Variants in SYN1 observed in about 807,000 individuals in gnomAD.
The protein encoded by SYN1 is synapsin I.
SYN1 carries 8 observed loss-of-function variants against 44.6 expected under a neutral mutation model. That is an observed-to-expected ratio of 0.18 (90% CI 0.11 to 0.32). The LOEUF is 0.32. SYN1 is among the 10% of genes least tolerant of loss of function. SYN1 has a pLI of 1.00. For synonymous variants in SYN1, 275 were observed against 280.1 expected (o/e 0.98, Z 0.18); for missense variants, 451 against 639.4 (o/e 0.71, Z 3.18).
intron 1 of SYN1, among the ~76,000 whole-genome samples, chrX:47,616,775 C>A (rs2057932654): frequency 9.0e-6 from 1 of 111,696 alleles, no homozygotes; most frequent in Admixed American, 9.5e-5. Flanking sequence ...GAGAAAAAGG[C>A]AGCTGGGGAG....
At chrX:47,606,299 T>C (rs770847146) in intron 3 of SYN1, among the ~76,000 whole-genome samples, 1 of 110,609 alleles carries the variant, frequency 9.0e-6, no homozygotes, top group South Asian at 3.7e-4. Flanking sequence ...CTTTTTCTTT[T>C]TTTTTTTTTG....
chrX:47,590,612 C>T (rs140814412), intron 5 of SYN1, among the ~76,000 whole-genome samples: 60 of 111,641 alleles, frequency 5.4e-4, no homozygotes, highest in Non-Finnish European at 1.0e-3. Context: ...TAGAAGTCTG[C>T]ACTCTGCGAG....
At chrX:47,588,148 A>C (rs2057833900) in intron 5 of SYN1, among the ~76,000 whole-genome samples, 1 of 112,039 alleles carries the variant, frequency 8.9e-6, no homozygotes, top group Non-Finnish European at 1.9e-5. Context: ...GGGAATGCGC[A>C]TGCAGCAACA....
At position 47,575,255 on chromosome X, in the gene SYN1, G is replaced by C. The variant is rs1179968265; in HGVS notation, c.1178C>G (p.Pro393Arg). ...TTCATCCTGGTGGTCACCAATGAGC[G>C]GCATGGAGGAACCCACCACCTGGGG... ...HIIEVVGSSM[P>R]LIGDHQDEDK... Residue 393 changes from proline (P) to arginine (R), a missense_variant, in exon 10 of 13, where the codon CCG becomes CGG. Physicochemically the swap from Pro to Arg is moderately radical, Grantham distance 103. Around this residue, in one of 3 missense-constraint regions of SYN1, gnomAD observed 315 missense variants for 451.4 expected, o/e 0.70. Transcript: ENST00000295987. 8.3e-7 allele frequency: 1 copy of C among 1,210,319 alleles called. No individual in the cohort carries two copies. The highest frequency in any genetic ancestry group is 3.0e-5 in the East Asian group (1 of 33,796).
chrX:47,576,911 CTA>C (rs760402157), intron 6 of SYN1, among the ~76,000 whole-genome samples: 1 of 111,735 alleles, frequency 8.9e-6, no homozygotes, highest in Non-Finnish European at 1.9e-5. Context: ...GGTGTGTGAA[CTA>C]TCTCTCACTA....
chrX:47,606,993 C>A lies in SYN1; in HGVS notation c.479G>T (p.Gly160Val), dbSNP rs904456539. ...DLNLVAHANG[G>V]FSVDMEVLRN... ...AAGAACTTCCATATCCACAGAGAAT[C>A]CACCATTGGCATGGGCCACAAGGTT... Residue 160 changes from glycine to valine, a missense_variant, in exon 3 of 13, where the codon GGA becomes GTA. This residue lies in a region of SYN1 where 315 missense variants were observed against 451.4 expected (regional missense o/e 0.70). Transcript: ENST00000295987. 1.7e-6 allele frequency: 2 copies of A among 1,211,221 alleles called. No homozygotes were observed. Among genetic ancestry groups the A allele is most frequent in the Non-Finnish European group, 2.2e-6 (2 of 895,399 alleles).
chrX:47,580,203 A>C (rs1281767240), intron 5 of SYN1, among the ~76,000 whole-genome samples: 1 of 104,864 alleles, frequency 9.5e-6, no homozygotes, highest in African/African-American at 3.5e-5. Flanking sequence ...TTTTTTTTTA[A>C]ATAGAGACAG....
intron 5 of SYN1, among the ~76,000 whole-genome samples, chrX:47,583,786 C>T (rs1246161810): frequency 5.4e-5 from 6 of 112,002 alleles, no homozygotes; most frequent in Non-Finnish European, 7.5e-5. Context: ...CTGCCTCAAA[C>T]GTCACCTTCT....
intron 5 of SYN1, chrX:47,585,849 T>C (rs755620826): frequency 8.7e-7 from 1 of 1,145,723 alleles, no homozygotes; most frequent in East Asian, 3.3e-5. Flanking sequence ...TTACAAATTC[T>C]GGCTGCTCCC....
rs145349279 is a variant in SYN1, at chrX:47,584,962, C to T, written c.775-7461G>A. On this transcript the variant is annotated intron_variant, in intron 5 of 12. Coordinates refer to ENST00000295987, the MANE Select transcript of SYN1 (RefSeq NM_006950.3). ...CATCAGGGCCAAGTTCGTGGGGACA[C>T]CAGAAGTCAACCAGACCACCTTATA... The T allele has an allele frequency of 7.7e-4, 933 of 1,209,267 alleles. 2 individuals carry two copies. The Middle Eastern group carries it at 0.012, about 15-fold the overall frequency.
intron 1 of SYN1, among the ~76,000 whole-genome samples, chrX:47,611,814 T>G (rs774414061): frequency 9.0e-6 from 1 of 111,260 alleles, no homozygotes; most frequent in South Asian, 3.8e-4. Context: ...TTAGTAAAAT[T>G]TTTAGGAATC....
chrX:47,619,402 C>G lies in SYN1; in HGVS notation c.327G>C (p.Gly109=), dbSNP rs2057940862. 8.4e-7 allele frequency: 1 copy of G among 1,187,903 alleles called. No individual in the cohort carries two copies. Among genetic ancestry groups the G allele is most frequent in the South Asian group, 1.8e-5 (1 of 55,094 alleles). ...VGGGSGGAGR[G]GAASRVLLVI... The stretch of plus-strand genomic sequence containing the variant: ...CCAGCAGCACCCTGGAGGCGGCTCC[C>G]CCGCGGCCTGCGCCCCCAGAGCCGC... Residue 109 remains glycine (G), a synonymous_variant, in exon 1 of 13, where the codon GGG becomes GGC. Coordinates refer to ENST00000295987, the MANE Select transcript of SYN1 (RefSeq NM_006950.3).
At chrX:47,598,468 G>A (rs2057870129) in intron 5 of SYN1, among the ~76,000 whole-genome samples, 1 of 111,685 alleles carries the variant, frequency 9.0e-6, no homozygotes, top group South Asian at 3.7e-4. Flanking sequence ...AGGCCAAGGT[G>A]GGTAACTTGA....
Position 47,574,592 on chromosome X carries a change from T to C in SYN1, c.1394-2A>G. 9.1e-7 allele frequency: 1 copy of C among 1,102,810 alleles called. No individual in the cohort carries two copies. The highest frequency in any genetic ancestry group is 1.2e-6 in the Non-Finnish European group (1 of 833,758). 90.9% of individuals were successfully genotyped at this position (1,102,810 alleles called of 1,213,427 possible). On this transcript the variant is annotated splice_acceptor_variant, in intron 11 of 12. Coordinates refer to ENST00000295987, the MANE Select transcript of SYN1 (RefSeq NM_006950.3). LOFTEE classifies it high-confidence loss of function. Reference sequence around the variant, plus strand: ...CTGGACCCGGCTGTGGAGGGCCGCCTGGGGGACAGAGGGAGAGAAAGAGCA... The same window carrying C: ...CTGGACCCGGCTGTGGAGGGCCGCCCGGGGGACAGAGGGAGAGAAAGAGCA...
intron 6 of SYN1, 149 bp from the exon 7 acceptor site, chrX:47,576,789 G>A (rs773153682): frequency 5.7e-6 from 4 of 705,423 alleles, no homozygotes; most frequent in Non-Finnish European, 8.6e-6. Context: ...AAGCAGGCAC[G>A]ATCATGGGTC....
At chrX:47,616,934 C>T (rs374908180) in intron 1 of SYN1, among the ~76,000 whole-genome samples, 4 of 110,481 alleles carry the variant, frequency 3.6e-5, no homozygotes, top group South Asian at 3.9e-4. Context: ...AGGCATTTAA[C>T]GCAGGGTTCT....
At chrX:47,612,605 G>A (rs974342249) in intron 1 of SYN1, among the ~76,000 whole-genome samples, 5 of 112,256 alleles carry the variant, frequency 4.5e-5, no homozygotes, top group Non-Finnish European at 7.5e-5. Flanking sequence ...AACTGGAATG[G>A]CCTTGAAAGA....
intron 5 of SYN1, chrX:47,586,373 A>G (rs2057826411): frequency 1.2e-5 from 13 of 1,070,394 alleles, no homozygotes; most frequent in South Asian, 2.4e-5. Flanking sequence ...ATTTCCCTCA[A>G]TGGGAGGGGC....
At chrX:47,585,427 C>T in intron 5 of SYN1, 2 of 1,195,801 alleles carry the variant, frequency 1.7e-6, no homozygotes, top group Non-Finnish European at 2.3e-6. Flanking sequence ...GGAATGGTCC[C>T]ACTGGAAATG....
Sources: allele counts gnomAD v4.1 joint callset (sites outside exome capture counted in the v4.1 genomes callset), GRCh38; gene constraint gnomAD v4.1.1; regional missense constraint gnomAD v4.1.1; transcripts MANE v1.5; gene names NCBI Gene and HGNC (gene_info 2026-07-23, HGNC 2026-07-21).